SUV39H1: variants seen among roughly 807,000 people sequenced by gnomAD.
SUV39H1 encodes SUV39H1 histone lysine methyltransferase, also known as histone-lysine N-methyltransferase SUV39H1.
For missense variants in SUV39H1, 180 were observed against 386.3 expected (o/e 0.47, Z 4.48); for synonymous variants, 141 against 150.5 (o/e 0.94, Z 0.46).
chrX:48,699,041 G>A lies in SUV39H1; in HGVS notation c.159G>A (p.Lys53=). The A allele has an allele frequency of 8.3e-7, 1 of 1,208,063 alleles. No homozygotes were observed. The highest frequency in any genetic ancestry group is 1.1e-6 in the Non-Finnish European group (1 of 893,579). ...FEVEYLCDYK[K]IREQEYYLVK... ...TCGAGTACCTGTGCGATTACAAGAA[G>A]ATCCGCGTGAGTCTGGGGTGACCAT... is the stretch of plus-strand genomic sequence containing the variant. The change falls in exon 2 of 6, where the codon AAG becomes AAA. Residue 53 remains lysine (K), a synonymous_variant. Transcript: ENST00000376687.
Position 48,701,302 on chromosome X carries a change from A to G in SUV39H1, c.828+549A>G, listed in dbSNP as rs782644903. Reference sequence around the variant, plus strand: ...GTATTAGGCAAGCCAGCCATTGTAAAAACAACCCCCTCATCTTAGTGACTT... The same window carrying G: ...GTATTAGGCAAGCCAGCCATTGTAAGAACAACCCCCTCATCTTAGTGACTT... On this transcript the variant is annotated intron_variant, in intron 3 of 5. Coordinates refer to ENST00000376687, the MANE Select transcript of SUV39H1 (RefSeq NM_003173.4). Among the ~76,000 whole-genome samples, 3 of 112,362 alleles carry G rather than the reference A, an allele frequency of 2.7e-5. No homozygotes were observed. The South Asian group carries it at 1.1e-3, about 41-fold the overall frequency.
At chrX:48,695,774 T>G, upstream of SUV39H1, 1 of 1,155,899 alleles carries the variant, frequency 8.7e-7, no homozygotes, top group Non-Finnish European at 1.1e-6. Flanking sequence ...CTGTCTGCCC[T>G]GATAGAATCT....
Position 48,700,093 on chromosome X carries a change from A to G in SUV39H1, c.168A>G (p.Glu56=), listed in dbSNP as rs782548841. Residue 56 remains glutamate, a splice_region_variant and synonymous_variant, in exon 3 of 6, where the codon GAA becomes GAG. Coordinates refer to ENST00000376687, the MANE Select transcript of SUV39H1 (RefSeq NM_003173.4). Reference sequence around the variant, plus strand: ...GTCCCCCTACCCACCCCCAACAGGAACAGGAATATTACCTGGTGAAATGGC... The same window carrying G: ...GTCCCCCTACCCACCCCCAACAGGAGCAGGAATATTACCTGGTGAAATGGC... ...EYLCDYKKIR[E]QEYYLVKWRG... is the part of the protein sequence containing the mutation. The G allele has an allele frequency of 8.5e-7, 1 of 1,180,156 alleles. No homozygotes were observed. The highest frequency in any genetic ancestry group is 1.9e-5 in the South Asian group (1 of 53,461).
chrX:48,699,296 C>G (rs192495929), intron 2 of SUV39H1: 1 of 316,281 alleles, frequency 3.2e-6, no homozygotes, highest in East Asian at 5.0e-5. Flanking sequence ...AAAGTAATTG[C>G]AGAGATTGAG....
At chrX:48,698,820 C>A in intron 1 of SUV39H1, 82 bp from the exon 2 acceptor site, 1 of 1,104,889 alleles carries the variant, frequency 9.1e-7, no homozygotes, top group East Asian at 3.1e-5. Context: ...TTGGGATGTC[C>A]CAGGGAGGAT....
rs782334293 is a variant in SUV39H1 at position 48,700,718 on chromosome X, C to T, written c.793C>T (p.Arg265Cys). 8.3e-7 allele frequency: 1 copy of T among 1,211,080 alleles called. No homozygotes were observed. Among genetic ancestry groups the T allele is most frequent in the Admixed American group, 2.2e-5 (1 of 46,095 alleles). ...GWGVRTLEKI[R>C]KNSFVMEYVG... ...GGGCGTCCGCACCCTGGAGAAGATT[C>T]GCAAGAACAGCTTCGTCATGGAGTA... The change falls in exon 3 of 6, where the codon CGC (arginine) becomes TGC (cysteine). Residue 265 changes from arginine to cysteine, a missense_variant. Coordinates refer to ENST00000376687, the MANE Select transcript of SUV39H1 (RefSeq NM_003173.4).
At position 48,707,938 on chromosome X, in the gene SUV39H1, G is replaced by A. The variant is rs1295155962; in HGVS notation, c.*368G>A. The stretch of plus-strand genomic sequence containing the variant: ...GCACCTGCTTCTGCCTGGAGATTGA[G>A]GGGTCTGCTGCAGGCCTCCTCCCTG... On this transcript the variant is annotated 3_prime_UTR_variant, in exon 6 of 6. Coordinates refer to ENST00000376687, the MANE Select transcript of SUV39H1 (RefSeq NM_003173.4). 3.6e-6 allele frequency: 1 copy of A among 276,633 alleles called. No individual in the cohort carries two copies. The highest frequency in any genetic ancestry group is 6.9e-6 in the Non-Finnish European group (1 of 144,208). The allele number at this position is 276,633 out of a possible 1,213,427, so 22.8% of individuals were successfully genotyped here.
Position 48,700,723 on chromosome X carries a change from G to T in SUV39H1, c.798G>T (p.Lys266Asn). ...WGVRTLEKIRKNSFVMEYVGE... is the reference protein window; with the variant it reads ...WGVRTLEKIRNNSFVMEYVGE... Reference sequence around the variant, plus strand: ...TCCGCACCCTGGAGAAGATTCGCAAGAACAGCTTCGTCATGGAGTACGTGG... The same window carrying T: ...TCCGCACCCTGGAGAAGATTCGCAATAACAGCTTCGTCATGGAGTACGTGG... The change falls in exon 3 of 6, where the codon AAG (lysine) becomes AAT (asparagine). Residue 266 changes from lysine (K) to asparagine (N), a missense_variant. Coordinates refer to ENST00000376687, the MANE Select transcript of SUV39H1 (RefSeq NM_003173.4). The T allele has an allele frequency of 8.3e-7, 1 of 1,211,064 alleles. No individual in the cohort carries two copies. Among genetic ancestry groups the T allele is most frequent in the Non-Finnish European group, 1.1e-6 (1 of 894,917 alleles).
chrX:48,700,439 A>G lies in SUV39H1; in HGVS notation c.514A>G (p.Ile172Val). Residue 172 changes from isoleucine to valine, a missense_variant, in exon 3 of 6, where the codon ATC (isoleucine) becomes GTC (valine). Coordinates refer to ENST00000376687, the MANE Select transcript of SUV39H1 (RefSeq NM_003173.4). ...CAATGAGTACCGTGTTGGTGAGGGC[A>G]TCACCCTCAACCAGGTGGCTGTGGG... ...YINEYRVGEG[I>V]TLNQVAVGCE... 8.2e-7 allele frequency: 1 copy of G among 1,212,173 alleles called. No homozygotes were observed. Among genetic ancestry groups the G allele is most frequent in the Non-Finnish European group, 1.1e-6 (1 of 895,470 alleles).
upstream of SUV39H1, chrX:48,696,458 C>T (rs781804585): frequency 2.6e-5 from 6 of 227,209 alleles, no homozygotes; most frequent in East Asian, 5.7e-4. Flanking sequence ...GACTGAGGAA[C>T]CACTGCGACT....
upstream of SUV39H1, among the ~76,000 whole-genome samples, chrX:48,696,105 C>T (rs1477208921): frequency 8.8e-6 from 1 of 113,003 alleles, no homozygotes; most frequent in Non-Finnish European, 1.9e-5. Flanking sequence ...GAGGATTTAG[C>T]CAGGGAGAAT....
chrX:48,701,916 G>C (rs1342214693), intron 3 of SUV39H1, among the ~76,000 whole-genome samples: 2 of 111,646 alleles, frequency 1.8e-5, no homozygotes, highest in Admixed American at 1.9e-4. Context: ...GTTGGAAAGT[G>C]ACAGAAACTG....
At chrX:48,698,870 A>G in intron 1 of SUV39H1, 32 bp from the exon 2 acceptor site, 1 of 1,199,083 alleles carries the variant, frequency 8.3e-7, no homozygotes, top group Non-Finnish European at 1.1e-6. Context: ...CAGGCTGCCC[A>G]GTAATAGTTC....
chrX:48,697,099 A>T (rs1175633017), intron 1 of SUV39H1, among the ~76,000 whole-genome samples: 1 of 108,883 alleles, frequency 9.2e-6, no homozygotes, highest in Non-Finnish European at 1.9e-5. Flanking sequence ...GGGCTTGTCG[A>T]GGAGGCCGCG....
At chrX:48,707,390 C>T (rs1557010327) in intron 5 of SUV39H1, 47 bp from the exon 6 acceptor site, 11 of 1,167,727 alleles carry the variant, frequency 9.4e-6, no homozygotes, top group Non-Finnish European at 7.0e-6. Flanking sequence ...TCTCCCCCTC[C>T]CTCCCTGCCT....
intron 1 of SUV39H1, among the ~76,000 whole-genome samples, chrX:48,697,549 A>G (rs1463574719): frequency 9.0e-6 from 1 of 111,349 alleles, no homozygotes; most frequent in Non-Finnish European, 1.9e-5. Flanking sequence ...GGGGTTTGCG[A>G]GGACAGGCTG....
At position 48,700,771 on chromosome X, in the gene SUV39H1, GGT is replaced by G. The variant is rs1413031145; in HGVS notation, c.828+28_828+29del. 1 of 1,201,393 alleles carries G rather than the reference GGT, an allele frequency of 8.3e-7. No individual in the cohort carries two copies. The highest frequency in any genetic ancestry group is 1.1e-6 in the Non-Finnish European group (1 of 889,667). On this transcript the variant is annotated intron_variant, in intron 3 of 5. Coordinates refer to ENST00000376687, the MANE Select transcript of SUV39H1 (RefSeq NM_003173.4). Reference sequence around the variant, plus strand: ...TGGGAGAGGTAGGGAGATGGGACCCGGTGTGTGTGTGCAGCTCTTCCCACCCT... The same window carrying G: ...TGGGAGAGGTAGGGAGATGGGACCCGGTGTGTGTGCAGCTCTTCCCACCCT...
rs782209222 is a variant in SUV39H1 at position 48,706,491 on chromosome X, C to T, written c.976-7C>T. ...CCTCACTCTCCCAACTGTTCTTTCT[C>T]GCCCAGTGTGACCCCAACCTGCAGG... is the stretch of plus-strand genomic sequence containing the variant. On this transcript the variant is annotated splice_polypyrimidine_tract_variant and splice_region_variant and intron_variant, in intron 4 of 5. Transcript: ENST00000376687. The T allele has an allele frequency of 6.7e-6, 8 of 1,195,049 alleles. No individual in the cohort carries two copies. The highest frequency in any genetic ancestry group is 3.5e-5 in the African/African-American group (2 of 57,231).
intron 3 of SUV39H1, among the ~76,000 whole-genome samples, chrX:48,701,651 C>A (rs1199655725): frequency 9.2e-6 from 1 of 108,751 alleles, no homozygotes; most frequent in Non-Finnish European, 1.9e-5. Flanking sequence ...CCCAGCTGCA[C>A]AAGGCTAAAG....
Sources: allele counts gnomAD v4.1 joint callset (sites outside exome capture counted in the v4.1 genomes callset), GRCh38; gene constraint gnomAD v4.1.1; transcripts MANE v1.5; gene names NCBI Gene and HGNC (gene_info 2026-07-23, HGNC 2026-07-21).